Variants in ZNF710 observed in about 807,000 individuals in gnomAD.
ZNF710 encodes the protein zinc finger protein 710.
A neutral mutation model predicts 50.6 loss-of-function variants in ZNF710; 13 were observed. That is an observed-to-expected ratio of 0.26 (90% CI 0.17 to 0.41). ZNF710 has a LOEUF of 0.41. Ranked by LOEUF, ZNF710 falls within the 10% of genes least tolerant of loss-of-function variation. The probability of loss-of-function intolerance (pLI) is 1.00; values close to 1 mark genes in which losing one functional copy is unlikely to be tolerated. For synonymous variants in ZNF710, 383 were observed against 397.0 expected (o/e 0.96, Z 0.42); for missense variants, 721 against 936.6 (o/e 0.77, Z 3.01).
chr15:90,008,664 C>G (rs753375331), intron 1 of ZNF710, among the ~76,000 whole-genome samples: 6 of 150,072 alleles, frequency 4.0e-5, no homozygotes, highest in African/African-American at 1.5e-4. Flanking sequence ...AGCTGTAGTC[C>G]CAGCTACTTA....
chr15:90,068,718 T>C lies in ZNF710; in HGVS notation c.1458+123T>C. The C allele has an allele frequency of 9.1e-7, 1 of 1,097,282 alleles. No individual in the cohort carries two copies. Among genetic ancestry groups the C allele is most frequent in the Non-Finnish European group, 1.3e-6 (1 of 775,110 alleles). 68.0% of individuals were successfully genotyped at this position (1,097,282 alleles called of 1,614,324 possible). ...TCCTAGTTTTATCGTTACGTACTTA[T>C]TTTGATGAGTATTAGAAATCAATTA... On this transcript the variant is annotated intron_variant, in intron 2 of 4. Transcript: ENST00000268154. The surrounding 1 kb of genome is among the most constrained non-coding windows in gnomAD (Gnocchi z 5.0).
intron 2 of ZNF710, 75 bp from the exon 3 acceptor site, chr15:90,072,996 C>A: frequency 6.6e-7 from 1 of 1,510,652 alleles, no homozygotes; most frequent in East Asian, 2.3e-5. Context: ...CTGCCCCTAC[C>A]CGGCTCCCCA....
At chr15:90,007,072 G>A (rs1028795549) in intron 1 of ZNF710, among the ~76,000 whole-genome samples, 2 of 152,138 alleles carry the variant, frequency 1.3e-5, no homozygotes, top group Non-Finnish European at 2.9e-5. Context: ...TGTAAGCACT[G>A]AAGATGGGCT....
At position 90,067,730 on chromosome 15, in the gene ZNF710, G is replaced by A; in HGVS notation, c.593G>A (p.Gly198Asp). 1 of 1,602,270 alleles carries A rather than the reference G, an allele frequency of 6.2e-7. No individual in the cohort carries two copies. The highest frequency in any genetic ancestry group is 8.5e-7 in the Non-Finnish European group (1 of 1,174,824). The change falls in exon 2 of 5, where the codon GGC becomes GAC. Residue 198 changes from glycine to aspartate, a missense_variant. By Grantham distance (94) the Gly-to-Asp change is moderately conservative. This residue lies in a region of ZNF710 where 326 missense variants were observed against 347.1 expected (regional missense o/e 0.94). Coordinates refer to ENST00000268154, the MANE Select transcript of ZNF710 (RefSeq NM_198526.4). This position sits in a 1 kb window ranked among gnomAD's most constrained non-coding sequence, Gnocchi z 8.1. ...DPHFPAPARD[G>D]FPEPSMALPG... ...CACTTCCCGGCCCCGGCCCGGGATG[G>A]CTTCCCCGAGCCCAGCATGGCGCTG...
rs1228355768 is a variant in ZNF710 at position 90,081,361 on chromosome 15, AG to A, written c.*1536del. The A allele has an allele frequency of 2.0e-5, 3 of 152,132 alleles. No individual in the cohort carries two copies. Among genetic ancestry groups the A allele is most frequent in the Non-Finnish European group, 2.9e-5 (2 of 68,068 alleles). 9.4% of individuals were successfully genotyped at this position (152,132 alleles called of 1,614,324 possible). A position where few individuals can be genotyped will look rare whatever the true frequency, so the allele number is the denominator to read the frequency against. On this transcript the variant is annotated 3_prime_UTR_variant, in exon 5 of 5. Transcript: ENST00000268154. Reference sequence around the variant, plus strand: ...CTTGCCTCCTGAGGCCTCAGTGGGGAGGGGCAAGCAGGGGTCTTCCCCAAAG... The same window carrying A: ...CTTGCCTCCTGAGGCCTCAGTGGGGAGGGCAAGCAGGGGTCTTCCCCAAAG...
intron 1 of ZNF710, among the ~76,000 whole-genome samples, chr15:90,014,000 G>C (rs995520479): frequency 6.6e-6 from 1 of 151,916 alleles, no homozygotes; most frequent in Non-Finnish European, 1.5e-5. Context: ...CTGTTGTGCA[G>C]AGTAGTTGTT....
chr15:90,010,928 GTTTTTTTTTT>G (rs11341248), intron 1 of ZNF710, among the ~76,000 whole-genome samples: 1 of 79,082 alleles, frequency 1.3e-5, no homozygotes, highest in East Asian at 4.1e-4. Context: ...TTGGTTTTTT[GTTTTTTTTTT>G]TTTTTTTTTT....
chr15:90,047,724 C>T (rs975425092), intron 1 of ZNF710, among the ~76,000 whole-genome samples: 1 of 151,860 alleles, frequency 6.6e-6, no homozygotes, highest in African/African-American at 2.4e-5. Flanking sequence ...GCTGGGACTA[C>T]AGGCATGCAC....
At chr15:90,036,451 G>A (rs960445309) in intron 1 of ZNF710, among the ~76,000 whole-genome samples, 2 of 152,074 alleles carry the variant, frequency 1.3e-5, no homozygotes, top group African/African-American at 2.4e-5. Flanking sequence ...ACCGAGGGAC[G>A]TCCCTTCAGT....
intron 1 of ZNF710, among the ~76,000 whole-genome samples, chr15:90,063,575 C>T (rs1900077645): frequency 6.6e-6 from 1 of 152,140 alleles, no homozygotes; most frequent in South Asian, 2.1e-4. Flanking sequence ...AGGCTCCTGA[C>T]ACAGACGCAC....
chr15:90,032,775 C>CAA (rs35943176), intron 1 of ZNF710, among the ~76,000 whole-genome samples: 3 of 111,190 alleles, frequency 2.7e-5, no homozygotes, highest in Admixed American at 1.9e-4. Context: ...GATTCCATCT[C>CAA]AAAAAAAAAA....
Position 90,067,034 on chromosome 15 carries a change from C to T in ZNF710, c.-28-76C>T. 6.8e-7 allele frequency: 1 copy of T among 1,469,600 alleles called. No homozygotes were observed. The highest frequency in any genetic ancestry group is 9.0e-7 in the Non-Finnish European group (1 of 1,108,746). The allele number at this position is 1,469,600 out of a possible 1,614,324, so 91.0% of individuals were successfully genotyped here. A position where few individuals can be genotyped will look rare whatever the true frequency, so the allele number is the denominator to read the frequency against. ...AGACACACCCAAAATCAGCCAAGCCCTTGTCTGTGCTGTGTCTGTTGTCTG... is the reference window on the plus strand; with the variant it reads ...AGACACACCCAAAATCAGCCAAGCCTTTGTCTGTGCTGTGTCTGTTGTCTG... On this transcript the variant is annotated intron_variant, in intron 1 of 4. Coordinates refer to ENST00000268154, the MANE Select transcript of ZNF710 (RefSeq NM_198526.4). This position sits in a 1 kb window ranked among gnomAD's most constrained non-coding sequence, Gnocchi z 8.1.
intron 1 of ZNF710, among the ~76,000 whole-genome samples, chr15:90,042,453 C>T (rs115839640): frequency 0.015 from 2,304 of 152,138 alleles, 65 homozygotes; most frequent in African/African-American, 0.052. Flanking sequence ...GAGCTCCACA[C>T]AGACTGAGCG....
In ZNF710 at chr15:90,015,097, G is replaced by T. The variant is rs181015707; in HGVS notation, c.-29+13483G>T. Reference sequence around the variant, plus strand: ...GTAGAGATGGGGTTTCTCCATGTTGGTCAAGCTGGTCTTGAACTCTTGACC... The same window carrying T: ...GTAGAGATGGGGTTTCTCCATGTTGTTCAAGCTGGTCTTGAACTCTTGACC... On this transcript the variant is annotated intron_variant, in intron 1 of 4. Transcript: ENST00000268154. Among the ~76,000 whole-genome samples, 219 of 152,148 alleles carry T rather than the reference G, an allele frequency of 1.4e-3. 1 individual carries two copies. Among genetic ancestry groups the T allele is most frequent in the African/African-American group, 5.0e-3 (209 of 41,486 alleles).
chr15:90,079,346 G>A (rs1900666945), intron 4 of ZNF710, among the ~76,000 whole-genome samples: 1 of 152,204 alleles, frequency 6.6e-6, no homozygotes. Flanking sequence ...GTAGGGCTTA[G>A]TGACTTTGAC....
chr15:90,038,259 A>G (rs545566187), intron 1 of ZNF710, among the ~76,000 whole-genome samples: 1 of 152,364 alleles, frequency 6.6e-6, no homozygotes, highest in East Asian at 1.9e-4. Flanking sequence ...GGCTGGCCCC[A>G]CAGACACAAA....
intron 1 of ZNF710, among the ~76,000 whole-genome samples, chr15:90,033,662 G>C (rs28662807): frequency 2.0e-5 from 3 of 151,940 alleles, no homozygotes; most frequent in Admixed American, 2.0e-4. Context: ...GGGCCTGAGC[G>C]ATCCTCCCAA....
intron 1 of ZNF710, among the ~76,000 whole-genome samples, chr15:90,019,251 A>T (rs1898545817): frequency 7.7e-6 from 1 of 129,796 alleles, no homozygotes; most frequent in African/African-American, 3.0e-5. Flanking sequence ...CCATCAGGTT[A>T]AGCAGCCTCC....
chr15:90,047,073 G>A (rs1052687982), intron 1 of ZNF710, among the ~76,000 whole-genome samples: 21 of 152,312 alleles, frequency 1.4e-4, no homozygotes, highest in East Asian at 1.9e-4. Context: ...AGATGCCCAC[G>A]CACAGCCACG....
Sources: gnomAD v4.1 joint callset for allele counts (sites outside exome capture counted in the v4.1 genomes callset) on GRCh38, gnomAD v4.1.1 for gene constraint, gnomAD v4.1.1 regional missense constraint, Gnocchi (gnomAD v3.1) non-coding constraint, MANE v1.5 for transcripts, NCBI Gene and HGNC (gene_info 2026-07-23, HGNC 2026-07-21) for gene names.